Variants in ARHGEF3 observed in about 807,000 individuals in gnomAD.
ARHGEF3 encodes the protein 59.8 kDA protein.
In ARHGEF3, 28 loss-of-function variants were observed where a neutral mutation model predicts 63.2. The observed-to-expected ratio is 0.44, with a 90% CI of 0.33 to 0.61. The LOEUF (loss-of-function observed/expected upper bound fraction) is 0.61. ARHGEF3 is among the 20% of genes least tolerant of loss of function. The pLI is 0.03. For missense variants in ARHGEF3, 533 were observed against 659.3 expected (o/e 0.81, Z 2.10); for synonymous variants, 266 against 254.2 (o/e 1.05, Z -0.44).
rs371397004 is a variant in ARHGEF3, at chr3:56,756,875, C to T, written c.205-1724G>A. ...TAGCTGGCTAACTCTTAACTGCCCT[C>T]GGGATGTAACTCAAACAGCACCTCC... is the stretch of plus-strand genomic sequence containing the variant. On this transcript the variant is annotated intron_variant, in intron 2 of 9. Transcript: ENST00000296315. 1.1e-3 allele frequency among the ~76,000 whole-genome samples: 166 copies of T among 152,224 alleles called. 5 individuals are homozygous for T. In the South Asian group the frequency reaches 0.033, roughly 30 times the overall value.
At chr3:56,986,773 T>TG (rs1303395275) in intron 2 of ARHGEF3, among the ~76,000 whole-genome samples, 1 of 144,722 alleles carries the variant, frequency 6.9e-6, no homozygotes, top group Non-Finnish European at 1.5e-5. Flanking sequence ...AGGAAAGAAG[T>TG]GGGGGCAGAA....
At chr3:56,732,126 A>C (rs2033209264) in intron 9 of ARHGEF3, 112 bp downstream of exon 9, 1 of 1,255,588 alleles carries the variant, frequency 8.0e-7, no homozygotes, top group Admixed American at 2.0e-5. Context: ...ATAGCATACA[A>C]ATGCAGTTTG....
upstream of ARHGEF3, among the ~76,000 whole-genome samples, chr3:56,802,712 T>C (rs4681898): frequency 0.56 from 85,699 of 152,014 alleles, 25,533 homozygotes; most frequent in Non-Finnish European, 0.66. Context: ...ATGGATGACC[T>C]GGCACTACCA....
chr3:57,009,093 A>G (rs1271025794), intron 2 of ARHGEF3, among the ~76,000 whole-genome samples: 1 of 152,204 alleles, frequency 6.6e-6, no homozygotes, highest in Non-Finnish European at 1.5e-5. Context: ...GGCCCAAGCC[A>G]TTGCTCTCAT....
At chr3:57,022,155 T>C (rs2107167458) in intron 2 of ARHGEF3, among the ~76,000 whole-genome samples, 1 of 152,018 alleles carries the variant, frequency 6.6e-6, no homozygotes, top group East Asian at 1.9e-4. Context: ...GTGTCTGTAG[T>C]CCTAGCTACT....
intron 1 of ARHGEF3, among the ~76,000 whole-genome samples, chr3:57,050,674 G>A (rs945304201): frequency 6.6e-6 from 1 of 152,204 alleles, no homozygotes; most frequent in Non-Finnish European, 1.5e-5. Context: ...ACAGAAGGGA[G>A]CAAGGATGTA....
At chr3:56,983,844 G>A (rs535956018) in intron 2 of ARHGEF3, among the ~76,000 whole-genome samples, 47 of 150,818 alleles carry the variant, frequency 3.1e-4, no homozygotes, top group Non-Finnish European at 5.6e-4. Flanking sequence ...GCTGAGGCAG[G>A]AGAATTGCTT....
chr3:56,863,355 A>G (rs1319314905), intron 4 of ARHGEF3, among the ~76,000 whole-genome samples: 1 of 149,362 alleles, frequency 6.7e-6, no homozygotes, highest in Non-Finnish European at 1.5e-5. Flanking sequence ...GCTGGAGTGC[A>G]GTGGTGCAAT....
intron 4 of ARHGEF3, among the ~76,000 whole-genome samples, chr3:56,866,589 A>G (rs748944628): frequency 3.9e-5 from 6 of 152,224 alleles, no homozygotes; most frequent in African/African-American, 1.4e-4. Context: ...AGGCTTACTC[A>G]TATTTCAATG....
intron 4 of ARHGEF3, among the ~76,000 whole-genome samples, chr3:56,841,568 C>T (rs1222790685): frequency 6.6e-6 from 1 of 152,118 alleles, no homozygotes; most frequent in Non-Finnish European, 1.5e-5. Context: ...TAAGTTTAAA[C>T]ATAAGCACCC....
At chr3:56,905,207 C>T (rs986253677) in intron 3 of ARHGEF3, among the ~76,000 whole-genome samples, 15 of 152,118 alleles carry the variant, frequency 9.9e-5, no homozygotes, top group African/African-American at 3.6e-4. Flanking sequence ...TATACACATG[C>T]ACAGGATTAA....
intron 2 of ARHGEF3, among the ~76,000 whole-genome samples, chr3:56,996,446 G>T (rs1330324956): frequency 1.3e-5 from 2 of 152,182 alleles, no homozygotes; most frequent in Non-Finnish European, 2.9e-5. Context: ...GTATGAGGAG[G>T]TAGGGCCTCT....
intron 4 of ARHGEF3, among the ~76,000 whole-genome samples, chr3:56,809,346 A>G (rs2037979771): frequency 6.6e-6 from 1 of 152,180 alleles, no homozygotes; most frequent in African/African-American, 2.4e-5. Flanking sequence ...GGAAGAGGGA[A>G]TTTTTTTCAA....
At position 56,983,829 on chromosome 3, in the gene ARHGEF3, G is replaced by A. The variant is rs185453358; in HGVS notation, c.63-24940C>T. Among the ~76,000 whole-genome samples, 146 of 151,670 alleles carry A rather than the reference G, an allele frequency of 9.6e-4. 2 individuals are homozygous for A. Among genetic ancestry groups the A allele is most frequent in the South Asian group, 9.6e-3 (46 of 4,794 alleles). Reference sequence around the variant, plus strand: ...TGCACGCCTGTAGTCCCAGCTACTCGGAAGGCTGAGGCAGGAGAATTGCTT... The same window carrying A: ...TGCACGCCTGTAGTCCCAGCTACTCAGAAGGCTGAGGCAGGAGAATTGCTT... On this transcript the variant is annotated intron_variant, in intron 2 of 12. Coordinates refer to the ARHGEF3 transcript ENST00000338458.
chr3:57,043,136 G>A (rs1409566588), intron 1 of ARHGEF3, among the ~76,000 whole-genome samples: 1 of 150,594 alleles, frequency 6.6e-6, no homozygotes, highest in Admixed American at 6.6e-5. Context: ...TTTTTTTTAA[G>A]ACCAAGTCTC....
At chr3:56,764,763 T>C (rs2035611657) in intron 2 of ARHGEF3, among the ~76,000 whole-genome samples, 1 of 151,704 alleles carries the variant, frequency 6.6e-6, no homozygotes, top group African/African-American at 2.4e-5. Flanking sequence ...CAAATTTTTT[T>C]TTTTTTTTTT....
chr3:56,898,512 CTTCT>C (rs1413604992), intron 3 of ARHGEF3: 2 of 173,506 alleles, frequency 1.2e-5, no homozygotes, highest in Non-Finnish European at 2.6e-5. Context: ...CCTGGCCAGT[CTTCT>C]TTCTTTAGTA....
rs1409262713 is a variant in ARHGEF3, at chr3:56,930,011, T to C, written c.129+28812A>G. 3.9e-5 allele frequency among the ~76,000 whole-genome samples: 6 copies of C among 151,936 alleles called. No individual in the cohort carries two copies. The East Asian group carries it at 1.2e-3, about 30-fold the overall frequency. ...CTCTTGGGTGGCCAGCCCATTGCAG[T>C]GCAGCCACATTCCTGAGTCTGGGTC... is the stretch of plus-strand genomic sequence containing the variant. On this transcript the variant is annotated intron_variant, in intron 3 of 12. Transcript: ENST00000338458.
chr3:56,739,113 A>C (rs1010864050), intron 7 of ARHGEF3, among the ~76,000 whole-genome samples: 1 of 151,986 alleles, frequency 6.6e-6, no homozygotes, highest in Non-Finnish European at 1.5e-5. Context: ...AAAAAACTCC[A>C]TGACACCAAT....
Sources: gnomAD v4.1 joint callset for allele counts (sites outside exome capture counted in the v4.1 genomes callset) on GRCh38, gnomAD v4.1.1 for gene constraint, MANE v1.5 for transcripts, NCBI Gene and HGNC (gene_info 2026-07-23, HGNC 2026-07-21) for gene names.